UGT1A7: variants seen among roughly 807,000 people sequenced by gnomAD.
The protein encoded by UGT1A7 is UDP glucuronosyltransferase family 1 member A7.
A neutral mutation model predicts 45.6 loss-of-function variants in UGT1A7; 33 were observed. That is an observed-to-expected ratio of 0.72 (90% CI 0.55 to 0.97). The LOEUF is 0.97. Ranked by LOEUF, UGT1A7 falls within the 50% of genes least tolerant of loss-of-function variation. UGT1A7 has a pLI of 0.00. For missense variants in UGT1A7, 684 were observed against 666.2 expected (o/e 1.03, Z -0.29); for synonymous variants, 274 against 250.6 (o/e 1.09, Z -0.88).
chr2:233,760,523 A>G lies in UGT1A7; in HGVS notation c.856-6511A>G, dbSNP rs1697475352. 6.2e-7 allele frequency: 1 copy of G among 1,614,204 alleles called. No individual in the cohort carries two copies. The highest frequency in any genetic ancestry group is 8.5e-7 in the Non-Finnish European group (1 of 1,180,040). On this transcript the variant is annotated intron_variant, in intron 1 of 4. Coordinates refer to ENST00000373426, the MANE Select transcript of UGT1A7 (RefSeq NM_019077.3). ...GGAGCATTTTACACCTTGAAGACGT[A>G]CCCTGTGCCATTCCAAAGGGAGGAT...
intron 1 of UGT1A7, chr2:233,752,460 T>C (rs1356858435): frequency 1.3e-5 from 2 of 152,236 alleles, no homozygotes; most frequent in African/African-American, 4.8e-5. Flanking sequence ...TACCCACATA[T>C]AGGCCTCTAG....
chr2:233,758,044 A>G (rs1696783059), intron 1 of UGT1A7, among the ~76,000 whole-genome samples: 1 of 152,170 alleles, frequency 6.6e-6, no homozygotes, highest in African/African-American at 2.4e-5. Context: ...CTTTCAGGCA[A>G]GGACCATTTC....
intron 1 of UGT1A7, chr2:233,760,764 C>A (rs199766420): frequency 8.1e-6 from 13 of 1,614,088 alleles, no homozygotes; most frequent in Non-Finnish European, 1.0e-5. Context: ...GCAGCCCCAT[C>A]GTGGCCCAGT....
Position 233,731,690 on chromosome 2 carries a change from G to C in UGT1A7, c.856-35344G>C, listed in dbSNP as rs183220610. ...TTCTTAATCCAGTCTATCATTGATG[G>C]ACATTTGGATTGGTTCCAGGTCTTT... On this transcript the variant is annotated intron_variant, in intron 1 of 4. Coordinates refer to ENST00000373426, the MANE Select transcript of UGT1A7 (RefSeq NM_019077.3). 7.2e-5 allele frequency among the ~76,000 whole-genome samples: 11 copies of C among 152,322 alleles called. No individual in the cohort carries two copies. The East Asian group carries it at 2.1e-3, about 29-fold the overall frequency.
chr2:233,761,112 T>C (rs762490577), intron 1 of UGT1A7: 2 of 1,614,122 alleles, frequency 1.2e-6, no homozygotes, highest in Non-Finnish European at 1.7e-6. Flanking sequence ...TGGTTTTTGT[T>C]GGTGGAATCA....
At chr2:233,699,430 G>T (rs2075505174) in intron 1 of UGT1A7, among the ~76,000 whole-genome samples, 1 of 152,190 alleles carries the variant, frequency 6.6e-6, no homozygotes, top group Admixed American at 6.5e-5. Flanking sequence ...TATTAGAAGG[G>T]TCATTGGAGT....
chr2:233,694,793 A>C (rs6761246), intron 1 of UGT1A7, among the ~76,000 whole-genome samples: 98,206 of 152,078 alleles, frequency 0.65, 32,213 homozygotes, highest in African/African-American at 0.73. Flanking sequence ...GATAACTGAA[A>C]TGGTTCCAGG....
chr2:233,698,651 A>G (rs2075452461), intron 1 of UGT1A7, among the ~76,000 whole-genome samples: 2 of 152,254 alleles, frequency 1.3e-5, no homozygotes, highest in African/African-American at 4.8e-5. Flanking sequence ...AGCATGCTTT[A>G]TAGGTAACTA....
chr2:233,720,874 T>TTTC (rs1334783084), intron 1 of UGT1A7, among the ~76,000 whole-genome samples: 2 of 147,924 alleles, frequency 1.4e-5, no homozygotes, highest in Non-Finnish European at 3.0e-5. Context: ...CCTGGCAATT[T>TTTC]TTTTTTTTTT....
At chr2:233,728,309 T>C (rs1025928901) in intron 1 of UGT1A7, among the ~76,000 whole-genome samples, 4 of 152,178 alleles carry the variant, frequency 2.6e-5, no homozygotes, top group African/African-American at 9.6e-5. Flanking sequence ...CTGTGCAAGA[T>C]CTGAGGCCAG....
At chr2:233,724,542 G>A (rs1366832768) in intron 1 of UGT1A7, among the ~76,000 whole-genome samples, 3 of 123,126 alleles carry the variant, frequency 2.4e-5, no homozygotes, top group East Asian at 2.5e-4. Context: ...GGGCAGAGGC[G>A]CTCCTCACAT....
chr2:233,697,384 C>T (rs2075388171), intron 1 of UGT1A7, among the ~76,000 whole-genome samples: 1 of 152,004 alleles, frequency 6.6e-6, no homozygotes, highest in Non-Finnish European at 1.5e-5. Context: ...ACAATAATCG[C>T]TAATGATCCT....
intron 1 of UGT1A7, among the ~76,000 whole-genome samples, chr2:233,697,022 T>C (rs964900890): frequency 1.3e-5 from 2 of 152,140 alleles, no homozygotes; most frequent in Non-Finnish European, 2.9e-5. Flanking sequence ...GTCAGAGATA[T>C]GGGCCCGCAG....
rs139927449 is a variant in UGT1A7, at chr2:233,718,873, T to C, written c.855+36081T>C. 3.7e-6 allele frequency: 6 copies of C among 1,613,914 alleles called. No homozygotes were observed. In the South Asian group the frequency reaches 6.6e-5, roughly 18 times the overall value. On this transcript the variant is annotated intron_variant, in intron 1 of 4. Transcript: ENST00000373426. Reference sequence around the variant, plus strand: ...CCGCGGCTGGCCACAGGACTGCTGCTCCTCCTCAGTGTCCAGCCCTGGGCT... The same window carrying C: ...CCGCGGCTGGCCACAGGACTGCTGCCCCTCCTCAGTGTCCAGCCCTGGGCT...
chr2:233,724,165 C>CA (rs1189702988), intron 1 of UGT1A7, among the ~76,000 whole-genome samples: 1 of 112,674 alleles, frequency 8.9e-6, no homozygotes. Flanking sequence ...GGGGGGCTGA[C>CA]CCCCCCATCT....
At chr2:233,715,749 G>A (rs1295869903) in intron 1 of UGT1A7, among the ~76,000 whole-genome samples, 1 of 152,196 alleles carries the variant, frequency 6.6e-6, no homozygotes, top group Non-Finnish European at 1.5e-5. Flanking sequence ...TCCAGCCTGA[G>A]TGACAGAGCG....
At chr2:233,704,993 G>A (rs973779449) in intron 1 of UGT1A7, among the ~76,000 whole-genome samples, 41 of 152,048 alleles carry the variant, frequency 2.7e-4, no homozygotes, top group Admixed American at 5.2e-4. Flanking sequence ...GAAATTAGCC[G>A]GGTATGGTGG....
intron 4 of UGT1A7, chr2:233,771,117 G>A (rs1700240855): frequency 6.6e-6 from 1 of 152,076 alleles, no homozygotes; most frequent in Admixed American, 6.6e-5. Context: ...AAGCACAAGG[G>A]ATCCGACCCC....
At position 233,682,363 on chromosome 2, in the gene UGT1A7, T is replaced by A. The variant is rs771594973; in HGVS notation, c.426T>A (p.Phe142Leu). 78 of 1,614,020 alleles carry A rather than the reference T, an allele frequency of 4.8e-5. No individual in the cohort carries two copies. Among genetic ancestry groups the A allele is most frequent in the Non-Finnish European group, 6.4e-5 (75 of 1,179,982 alleles). The change falls in exon 1 of 5, where the codon TTT becomes TTA. Residue 142 changes from phenylalanine to leucine, a missense_variant. By Grantham distance (22) the Phe-to-Leu change is conservative. Coordinates refer to ENST00000373426, the MANE Select transcript of UGT1A7 (RefSeq NM_019077.3). The stretch of plus-strand genomic sequence containing the variant: ...TAGAATACTTAAAGGAGAGTTGTTT[T>A]GATGCAGTGTTTCTCGATCCTTTTG... Reference protein sequence around the residue: ...KLVEYLKESCFDAVFLDPFDA... With the variant: ...KLVEYLKESCLDAVFLDPFDA...
Sources: allele counts gnomAD v4.1 joint callset (sites outside exome capture counted in the v4.1 genomes callset), GRCh38; gene constraint gnomAD v4.1.1; transcripts MANE v1.5; gene names NCBI Gene and HGNC (gene_info 2026-07-23, HGNC 2026-07-21).